The following SLC17A1 variants were observed in gnomAD, a reference collection of about 807,000 sequenced individuals.
The protein encoded by SLC17A1 is solute carrier family 17 member 1.
A neutral mutation model predicts 53.5 loss-of-function variants in SLC17A1; 51 were observed. The ratio of observed to expected loss-of-function variants is 0.95; its 90% CI spans 0.76 to 1.20. The LOEUF (loss-of-function observed/expected upper bound fraction) is 1.20. Among genes scored for constraint, SLC17A1 ranks in the 50% most tolerant of loss-of-function variants. The pLI is 0.00. For synonymous variants in SLC17A1, 179 were observed against 198.8 expected, an observed-to-expected ratio of 0.90 and a Z score of 0.84; for missense variants, 538 against 568.2, an observed-to-expected ratio of 0.95 and a Z score of 0.54.
At chr6:25,725,552 G>A in the SLC17A1 span, among the ~76,000 whole-genome samples, 1 of 152,152 alleles carries the variant, frequency 6.6e-6, no homozygotes, top group Non-Finnish European at 1.5e-5. Context: ...TCTCCTGCTT[G>A]TAATGCAATT....
At chr6:25,773,497 G>A in the SLC17A1 span, 6 of 1,613,564 alleles carry the variant, frequency 3.7e-6, no homozygotes, top group Admixed American at 8.3e-5. Flanking sequence ...GGACATTGAT[G>A]TGTGCTTTCT....
chr6:25,830,131 C>A (rs545922562), intron 2 of SLC17A1, among the ~76,000 whole-genome samples: 2 of 152,236 alleles, frequency 1.3e-5, no homozygotes, highest in South Asian at 4.1e-4. Context: ...CAGCTTCTCT[C>A]AAAAAATATT....
intron 12 of SLC17A1, among the ~76,000 whole-genome samples, chr6:25,797,565 T>C (rs1763627634): frequency 6.6e-6 from 1 of 152,112 alleles, no homozygotes; most frequent in African/African-American, 2.4e-5. Flanking sequence ...AAATCTGTTA[T>C]GTCATTTAAG....
the SLC17A1 span, among the ~76,000 whole-genome samples, chr6:25,733,644 C>A: frequency 6.6e-6 from 1 of 151,704 alleles, no homozygotes; most frequent in South Asian, 2.1e-4. Flanking sequence ...AGATACAAAC[C>A]TATAATTAGC....
At chr6:25,779,173 A>G, downstream of SLC17A1, 2 of 1,613,724 alleles carry the variant, frequency 1.2e-6, no homozygotes, top group Non-Finnish European at 1.7e-6. Context: ...AAGAGCAGAC[A>G]TTCACCCACC....
At chr6:25,805,114 G>T (rs770671857) in intron 10 of SLC17A1, among the ~76,000 whole-genome samples, 11 of 151,968 alleles carry the variant, frequency 7.2e-5, no homozygotes, top group Middle Eastern at 3.2e-3. Flanking sequence ...CATTATCCAA[G>T]ATACACCGTA....
the SLC17A1 span, chr6:25,768,952 T>C: frequency 6.3e-7 from 1 of 1,599,284 alleles, no homozygotes. Flanking sequence ...AAAAGCATTC[T>C]GATTGTGATT....
At chr6:25,825,635 T>C (rs942486788) in intron 3 of SLC17A1, among the ~76,000 whole-genome samples, 1 of 151,998 alleles carries the variant, frequency 6.6e-6, no homozygotes, top group Non-Finnish European at 1.5e-5. Context: ...GTTTTTGTTT[T>C]TGCTATTTAT....
the SLC17A1 span, among the ~76,000 whole-genome samples, chr6:25,737,937 G>A: frequency 1.3e-5 from 2 of 152,096 alleles, no homozygotes; most frequent in Non-Finnish European, 2.9e-5. Flanking sequence ...AAGGCAAAAT[G>A]TTCACTCACA....
intron 3 of SLC17A1, among the ~76,000 whole-genome samples, chr6:25,821,880 T>A (rs1266802720): frequency 6.6e-6 from 1 of 151,994 alleles, no homozygotes; most frequent in Non-Finnish European, 1.5e-5. Flanking sequence ...TATAAATGAA[T>A]AAGAAATATA....
chr6:25,732,442 C>T, the SLC17A1 span: 1 of 271,580 alleles, frequency 3.7e-6, no homozygotes, highest in Non-Finnish European at 7.1e-6. Context: ...TAGTTTTGGG[C>T]TATGTCTTAG....
At chr6:25,768,980 C>T in the SLC17A1 span, 1 of 1,613,872 alleles carries the variant, frequency 6.2e-7, no homozygotes, top group South Asian at 1.1e-5. Context: ...CCCTTTTCCT[C>T]TCAGGTTTTT....
chr6:25,780,539 A>G (rs915125921), downstream of SLC17A1: 2 of 151,912 alleles, frequency 1.3e-5, no homozygotes, highest in African/African-American at 4.8e-5. Flanking sequence ...GAAATTAGCT[A>G]TGGCCAGAGT....
At chr6:25,753,344 C>G in the SLC17A1 span, among the ~76,000 whole-genome samples, 9 of 152,120 alleles carry the variant, frequency 5.9e-5, no homozygotes, top group Non-Finnish European at 1.3e-4. Flanking sequence ...GGTGTTGGAG[C>G]ACCTTCAGGA....
At chr6:25,755,048 T>TAC in the SLC17A1 span, among the ~76,000 whole-genome samples, 36,172 of 144,794 alleles carry the variant, frequency 0.25, 4,929 homozygotes, top group East Asian at 0.59. Flanking sequence ...CACACACACA[T>TAC]ACACACACAC....
intron 10 of SLC17A1, among the ~76,000 whole-genome samples, chr6:25,809,688 C>T (rs909268034): frequency 5.9e-5 from 9 of 151,980 alleles, no homozygotes; most frequent in Admixed American, 2.0e-4. Flanking sequence ...AATGTCTGTA[C>T]GATCCAAAGC....
At chr6:25,735,644 G>A in the SLC17A1 span, among the ~76,000 whole-genome samples, 1 of 151,782 alleles carries the variant, frequency 6.6e-6, no homozygotes, top group South Asian at 2.1e-4. Flanking sequence ...AGGGAAACAT[G>A]TACATACCAA....
At chr6:25,824,350 T>C (rs892845846) in intron 3 of SLC17A1, among the ~76,000 whole-genome samples, 1 of 151,830 alleles carries the variant, frequency 6.6e-6, no homozygotes, top group Non-Finnish European at 1.5e-5. Context: ...ATGATCAGTG[T>C]GGTACAATTT....
chr6:25,802,935 CTTTTTTTTTT>C (rs34669145), intron 10 of SLC17A1, among the ~76,000 whole-genome samples: 9 of 46,064 alleles, frequency 2.0e-4, no homozygotes, highest in African/African-American at 6.3e-4. Flanking sequence ...CTATCTTCTT[CTTTTTTTTTT>C]TTTTTTTTTT....
Sources: gnomAD v4.1 joint callset for allele counts (sites outside exome capture counted in the v4.1 genomes callset) on GRCh38, gnomAD v4.1.1 for gene constraint, MANE v1.5 for transcripts, NCBI Gene and HGNC (gene_info 2026-07-23, HGNC 2026-07-21) for gene names.